KIAA1328: variants seen among roughly 807,000 people sequenced by gnomAD.
KIAA1328 encodes KIAA1328, also known as protein hinderin.
Under a neutral mutation model 68.1 loss-of-function variants are expected in KIAA1328, and 52 were observed. That is an observed-to-expected ratio of 0.76 (90% confidence interval 0.61 to 0.96). KIAA1328 has a LOEUF of 0.96. Among genes scored for constraint, KIAA1328 ranks in the 40% least tolerant of loss-of-function variants. The probability of loss-of-function intolerance (pLI) is 0.00; values close to 1 mark genes in which losing one functional copy is unlikely to be tolerated. For missense variants in KIAA1328, 641 were observed against 677.6 expected, an observed-to-expected ratio of 0.95 and a Z score of 0.60; for synonymous variants, 232 against 239.4, an observed-to-expected ratio of 0.97 and a Z score of 0.28.
At chr18:37,189,925 C>A (rs1341290367) in intron 9 of KIAA1328, among the ~76,000 whole-genome samples, 2 of 152,056 alleles carry the variant, frequency 1.3e-5, no homozygotes, top group African/African-American at 4.8e-5. Context: ...ACTGTATATA[C>A]CACTGTTAAT....
At chr18:36,965,815 TC>T (rs1470628122) in intron 6 of KIAA1328, among the ~76,000 whole-genome samples, 133 of 151,496 alleles carry the variant, frequency 8.8e-4, no homozygotes, top group African/African-American at 3.0e-3. Context: ...GTAATATATG[TC>T]TTAATTCTAT....
intron 4 of KIAA1328, among the ~76,000 whole-genome samples, chr18:36,862,045 C>T (rs1376954803): frequency 6.6e-6 from 1 of 152,062 alleles, no homozygotes; most frequent in African/African-American, 2.4e-5. Flanking sequence ...AAAGAAACAA[C>T]TTTTTGTTTT....
At chr18:36,916,704 A>G (rs1475088135) in intron 5 of KIAA1328, among the ~76,000 whole-genome samples, 1 of 152,218 alleles carries the variant, frequency 6.6e-6, no homozygotes, top group East Asian at 1.9e-4. Context: ...AAGGAGGCAC[A>G]GAGAGGAAAA....
chr18:37,204,091 T>G (rs1416398484), intron 9 of KIAA1328, among the ~76,000 whole-genome samples: 1 of 152,206 alleles, frequency 6.6e-6, no homozygotes, highest in Non-Finnish European at 1.5e-5. Flanking sequence ...ATTACAGGCG[T>G]GAGCCACCAC....
At chr18:36,983,536 AC>A (rs2052783237) in intron 6 of KIAA1328, among the ~76,000 whole-genome samples, 2 of 152,050 alleles carry the variant, frequency 1.3e-5, no homozygotes, top group African/African-American at 4.8e-5. Context: ...AATACTATCA[AC>A]CAATTTGATG....
At chr18:37,212,162 A>G (rs1177368134) in intron 9 of KIAA1328, among the ~76,000 whole-genome samples, 1 of 152,272 alleles carries the variant, frequency 6.6e-6, no homozygotes, top group Non-Finnish European at 1.5e-5. Flanking sequence ...TGTCCTGCTT[A>G]TAAGCAAAAT....
chr18:36,916,753 G>A (rs963759730), intron 5 of KIAA1328, among the ~76,000 whole-genome samples: 1 of 152,066 alleles, frequency 6.6e-6, no homozygotes, highest in Non-Finnish European at 1.5e-5. Flanking sequence ...GGTTTCTTAC[G>A]TATTTGTTAA....
At chr18:37,091,623 T>C (rs372641416) in intron 7 of KIAA1328, among the ~76,000 whole-genome samples, 1 of 152,112 alleles carries the variant, frequency 6.6e-6, no homozygotes, top group South Asian at 2.1e-4. Flanking sequence ...CTCCCTGCCA[T>C]TTTAGGAGAT....
chr18:37,017,537 A>T (rs1402657785), intron 6 of KIAA1328, among the ~76,000 whole-genome samples: 3 of 152,014 alleles, frequency 2.0e-5, no homozygotes, highest in East Asian at 1.9e-4. Context: ...TGCCTCAGTG[A>T]TCTGTCTTAT....
chr18:37,100,842 C>T (rs1273324416), intron 7 of KIAA1328, among the ~76,000 whole-genome samples: 2 of 152,186 alleles, frequency 1.3e-5, no homozygotes, highest in Admixed American at 6.5e-5. Context: ...AACGATCAGG[C>T]AGCAACATTT....
chr18:36,967,039 G>A (rs2051969709), intron 6 of KIAA1328, among the ~76,000 whole-genome samples: 1 of 152,144 alleles, frequency 6.6e-6, no homozygotes, highest in Non-Finnish European at 1.5e-5. Context: ...TGGTATAGTA[G>A]GTAGAATTTT....
chr18:36,829,361 G>T (rs2046374208), intron 1 of KIAA1328, 165 bp downstream of exon 1: 18 of 1,379,576 alleles, frequency 1.3e-5, no homozygotes, highest in Non-Finnish European at 1.4e-5. Context: ...CCCCTTGCTT[G>T]GGTGTTAGGT....
intron 6 of KIAA1328, among the ~76,000 whole-genome samples, chr18:37,013,191 C>T (rs1284168149): frequency 6.6e-6 from 1 of 152,006 alleles, no homozygotes; most frequent in Non-Finnish European, 1.5e-5. Flanking sequence ...TAGCAAGGCA[C>T]TAGTATTTGG....
chr18:36,960,565 G>A (rs1162070448), intron 6 of KIAA1328, among the ~76,000 whole-genome samples: 2 of 152,272 alleles, frequency 1.3e-5, no homozygotes, highest in Non-Finnish European at 2.9e-5. Context: ...GAGGCCAACA[G>A]ACACCTCATA....
intron 5 of KIAA1328, among the ~76,000 whole-genome samples, chr18:36,899,018 G>T (rs1436013708): frequency 1.3e-5 from 2 of 151,778 alleles, no homozygotes; most frequent in African/African-American, 4.8e-5. Context: ...CTCCAATTAG[G>T]TATTAACTGG....
At chr18:36,928,536 C>T (rs1405519423) in intron 5 of KIAA1328, among the ~76,000 whole-genome samples, 2 of 152,116 alleles carry the variant, frequency 1.3e-5, no homozygotes, top group Non-Finnish European at 2.9e-5. Flanking sequence ...GTTTTCAAGT[C>T]TCACAAATGT....
chr18:36,893,465 T>TTG (rs141803952), intron 5 of KIAA1328, among the ~76,000 whole-genome samples: 28,900 of 120,394 alleles, frequency 0.24, 3,459 homozygotes, highest in Admixed American at 0.26. Context: ...GTGTGTGTTT[T>TTG]TGTGTGTGTG....
chr18:37,109,491 G>A (rs1281815072), intron 7 of KIAA1328, among the ~76,000 whole-genome samples: 3 of 151,894 alleles, frequency 2.0e-5, no homozygotes, highest in African/African-American at 7.3e-5. Flanking sequence ...ATAATTTGTG[G>A]GATATTTTCT....
intron 5 of KIAA1328, among the ~76,000 whole-genome samples, chr18:36,944,292 A>G (rs1265782843): frequency 2.0e-5 from 3 of 152,156 alleles, no homozygotes; most frequent in African/African-American, 4.8e-5. Flanking sequence ...ATATAAGGTC[A>G]TGGGGGCCAG....
Sources: allele counts gnomAD v4.1 joint callset (sites outside exome capture counted in the v4.1 genomes callset), GRCh38; gene constraint gnomAD v4.1.1; transcripts MANE v1.5; gene names NCBI Gene and HGNC (gene_info 2026-07-23, HGNC 2026-07-21).